Variants in DNAH1 observed in about 807,000 individuals in gnomAD.
DNAH1 encodes the protein dynein axonemal heavy chain 1, also known as axonemal beta dynein heavy chain 1.
A neutral mutation model predicts 484.3 loss-of-function variants in DNAH1; 327 were observed. That is an observed-to-expected ratio of 0.68 (90% CI 0.62 to 0.74). The LOEUF is 0.74. Ranked by LOEUF, DNAH1 falls within the 30% of genes least tolerant of loss-of-function variation. The pLI, the probability that DNAH1 is intolerant of heterozygous loss-of-function variation, is 0.00. For synonymous variants in DNAH1, 2,192 were observed against 2,191.9 expected, an observed-to-expected ratio of 1.00 and a Z score of 0.00; for missense variants, 5,052 against 5,546.8, an observed-to-expected ratio of 0.91 and a Z score of 2.83.
At chr3:52,374,583 G>T in intron 44 of DNAH1, 1 of 1,504,018 alleles carries the variant, frequency 6.6e-7, no homozygotes, top group Non-Finnish European at 9.3e-7. Flanking sequence ...ACACTTCCAG[G>T]TGGCAGAGCG....
At chr3:52,366,694 C>A (rs747457351) in intron 35 of DNAH1, 39 bp from the exon 36 acceptor site, 2 of 1,590,138 alleles carry the variant, frequency 1.3e-6, no homozygotes, top group Middle Eastern at 1.7e-4. Context: ...TCTAGCCCTG[C>A]TCTCTGGGAG....
At chr3:52,386,945 A>G (rs1704138111) in intron 56 of DNAH1, 92 bp downstream of exon 56, 1 of 1,308,074 alleles carries the variant, frequency 7.6e-7, no homozygotes, top group Non-Finnish European at 1.0e-6. Flanking sequence ...GCCCCACCAC[A>G]TCATCTGCAT....
rs372595174 is a variant in DNAH1 at position 52,370,629 on chromosome 3, C to T, written c.6411C>T (p.Asn2137=). The change falls in exon 40 of 78, where the codon AAC becomes AAT. Residue 2137 remains asparagine (N), a synonymous_variant. Transcript: ENST00000420323. ...FSHWLRLKME[N]EQLTLLFPEE... ...ACTGGCTAAGGCTCAAGATGGAGAA[C>T]GAACAGGTGAGAGCCGGCGGCCCCC... The T allele has an allele frequency of 7.0e-4, 1,133 of 1,610,800 alleles. 7 individuals are homozygous for T. In the South Asian group the frequency reaches 7.9e-3, roughly 11 times the overall value.
chr3:52,326,503 C>T (rs1452940344), intron 4 of DNAH1, among the ~76,000 whole-genome samples, 189 bp downstream of exon 4: 1 of 152,146 alleles, frequency 6.6e-6, no homozygotes, highest in Non-Finnish European at 1.5e-5. Flanking sequence ...GGGAAGGTGG[C>T]ATTGAGGTCA....
Position 52,381,189 on chromosome 3 carries a change from C to G in DNAH1, c.7609-451C>G, listed in dbSNP as rs545301189. ...GAACTTGGCTTACTGCAGCCTCTAC[C>G]TCATGGGCTCTATCAGTCGTCCCAC... is the stretch of plus-strand genomic sequence containing the variant. On this transcript the variant is annotated intron_variant, in intron 48 of 77. Transcript: ENST00000420323. The surrounding 1 kb of genome is among the most constrained non-coding windows in gnomAD (Gnocchi z 4.1). Among the ~76,000 whole-genome samples the G allele has an allele frequency of 1.1e-3, 170 of 152,306 alleles. No homozygotes were observed. Among genetic ancestry groups the G allele is most frequent in the Non-Finnish European group, 2.8e-4 (19 of 68,032 alleles).
chr3:52,398,107 T>C lies in DNAH1; in HGVS notation c.12034T>C (p.Tyr4012His). ...PINLQWVMAK[Y>H]PVLYEESMNT... The stretch of plus-strand genomic sequence containing the variant: ...CAACTTGCAATGGGTGATGGCCAAG[T>C]ACCCAGTGCTGTATGAGGAATCAAT... The change falls in exon 75 of 78, where the codon TAC (tyrosine) becomes CAC (histidine). Residue 4012 changes from tyrosine to histidine, a missense_variant. Around this residue, in one of 4 missense-constraint regions of DNAH1, gnomAD observed 853 missense variants for 899.0 expected, o/e 0.95. Transcript: ENST00000420323. The C allele has an allele frequency of 6.2e-7, 1 of 1,613,868 alleles. No homozygotes were observed. Among genetic ancestry groups the C allele is most frequent in the Non-Finnish European group, 8.5e-7 (1 of 1,179,874 alleles).
chr3:52,361,455 G>A lies in DNAH1; in HGVS notation c.4874+103G>A. The A allele has an allele frequency of 7.2e-7, 1 of 1,388,322 alleles. No individual in the cohort carries two copies. Among genetic ancestry groups the A allele is most frequent in the Non-Finnish European group, 9.7e-7 (1 of 1,033,100 alleles). The allele number at this position is 1,388,322 out of a possible 1,614,324, so 86.0% of individuals were successfully genotyped here. A position where few individuals can be genotyped will look rare whatever the true frequency, so the allele number is the denominator to read the frequency against. On this transcript the variant is annotated intron_variant, in intron 29 of 77. Transcript: ENST00000420323. The surrounding 1 kb of genome is among the most constrained non-coding windows in gnomAD (Gnocchi z 5.6). ...TGCCTGAGAGGGGCCTCGAAGGATG[G>A]TGGAGGGGACAGAAGGGGGTAATAG...
Position 52,361,370 on chromosome 3 carries a change from C to A in DNAH1, c.4874+18C>A. On this transcript the variant is annotated intron_variant, in intron 29 of 77. Transcript: ENST00000420323. The surrounding 1 kb of genome is among the most constrained non-coding windows in gnomAD (Gnocchi z 5.6). Reference sequence around the variant, plus strand: ...CTGGCCAGGTGAGGCTGGGCATGAGCGTGGCACAGGATGGGGTGGGACAGC... The same window carrying A: ...CTGGCCAGGTGAGGCTGGGCATGAGAGTGGCACAGGATGGGGTGGGACAGC... The A allele has an allele frequency of 6.4e-7, 1 of 1,550,628 alleles. No individual in the cohort carries two copies. The highest frequency in any genetic ancestry group is 1.2e-5 in the South Asian group (1 of 82,694).
rs969532663 is a variant in DNAH1 at position 52,399,519 on chromosome 3, T to C, written c.12442-26T>C. On this transcript the variant is annotated intron_variant, in intron 76 of 77. Transcript: ENST00000420323. ...CAGATTCTGGGTATTGTTATGTGTG[T>C]GGGGTGTGTCTGTGTCTACCCACAG... The C allele has an allele frequency of 1.9e-6, 3 of 1,573,238 alleles. No individual in the cohort carries two copies. The Admixed American group carries it at 5.3e-5, about 28-fold the overall frequency.
At chr3:52,324,289 G>A (rs1426676204) in intron 3 of DNAH1, among the ~76,000 whole-genome samples, 1 of 152,174 alleles carries the variant, frequency 6.6e-6, no homozygotes, top group African/African-American at 2.4e-5. Flanking sequence ...TAGATGCCTG[G>A]GAGATCCCTG....
chr3:52,359,622 C>T (rs1702771134), intron 26 of DNAH1, among the ~76,000 whole-genome samples: 1 of 152,220 alleles, frequency 6.6e-6, no homozygotes, highest in Non-Finnish European at 1.5e-5. Context: ...CTGGTCCCTC[C>T]TGCACAGTAC....
Position 52,316,348 on chromosome 3 carries a change from T to C in DNAH1, c.-232T>C, listed in dbSNP as rs189384919. On this transcript the variant is annotated 5_prime_UTR_variant, in exon 1 of 78. Coordinates refer to ENST00000420323, the MANE Select transcript of DNAH1 (RefSeq NM_015512.5). ...GGTACCCAACCTATACGCAGACCCA[T>C]TGAGCAGCCAGACTGCCCTAAACAG... 6.6e-6 allele frequency: 1 copy of C among 152,386 alleles called. No homozygotes were observed. Among genetic ancestry groups the C allele is most frequent in the Admixed American group, 6.5e-5 (1 of 15,302 alleles). 9.4% of individuals were successfully genotyped at this position (152,386 alleles called of 1,614,324 possible).
intron 6 of DNAH1, among the ~76,000 whole-genome samples, 180 bp from the exon 7 acceptor site, chr3:52,330,968 C>T (rs1043143014): frequency 2.6e-5 from 4 of 152,192 alleles, no homozygotes; most frequent in South Asian, 2.1e-4. Context: ...TCCTCAGAGG[C>T]GAGCTCGGCT....
intron 52 of DNAH1, 31 bp downstream of exon 52, chr3:52,384,062 G>A: frequency 6.5e-7 from 1 of 1,550,016 alleles, no homozygotes; most frequent in Non-Finnish European, 8.7e-7. Flanking sequence ...CAGGCCCTTG[G>A]GGAGACCTGT....
chr3:52,396,680 C>T lies in DNAH1; in HGVS notation c.11493C>T (p.Arg3831=), dbSNP rs781581930. 20 of 1,613,632 alleles carry T rather than the reference C, an allele frequency of 1.2e-5. No individual in the cohort carries two copies. Among genetic ancestry groups the T allele is most frequent in the Admixed American group, 1.2e-4 (7 of 59,980 alleles). The change falls in exon 72 of 78, where the codon CGC becomes CGT. Residue 3831 remains arginine (R), a synonymous_variant. Transcript: ENST00000420323. The part of the protein sequence containing the change: ...LCLFHGNALE[R]RKFGPLGFNI... The stretch of plus-strand genomic sequence containing the variant: ...TGTTCCATGGGAACGCCCTGGAGCG[C>T]CGTAAGTTTGGGCCCCTGGGCTTCA...
At chr3:52,330,115 T>C (rs999637690) in intron 6 of DNAH1, among the ~76,000 whole-genome samples, 1 of 152,172 alleles carries the variant, frequency 6.6e-6, no homozygotes, top group Non-Finnish European at 1.5e-5. Flanking sequence ...TGGCCTCAGT[T>C]TGTTTTTAAG....
Position 52,326,205 on chromosome 3 carries a change from A to T in DNAH1, c.472A>T (p.Thr158Ser). The stretch of plus-strand genomic sequence containing the variant: ...GGAGCAGCAGTGCATCGGGTCCACC[A>T]CCCGGCTGCTCGCCCAGACTGACTT... ...RMEQQCIGST[T>S]RLLAQTDFPL... The change falls in exon 4 of 78, where the codon ACC becomes TCC. Residue 158 changes from threonine (T) to serine (S), a missense_variant. By Grantham distance (58) the Thr-to-Ser change is moderately conservative. Coordinates refer to ENST00000420323, the MANE Select transcript of DNAH1 (RefSeq NM_015512.5). The T allele has an allele frequency of 1.2e-6, 2 of 1,612,954 alleles. No homozygotes were observed. Among genetic ancestry groups the T allele is most frequent in the Non-Finnish European group, 1.7e-6 (2 of 1,179,540 alleles).
At chr3:52,331,619 CTTTTTTT>C (rs36097098) in intron 7 of DNAH1, among the ~76,000 whole-genome samples, 20 of 111,372 alleles carry the variant, frequency 1.8e-4, no homozygotes, top group African/African-American at 4.1e-4. Context: ...AAATACTTTT[CTTTTTTT>C]TTTTTTTTTT....
rs1388879244 is a variant in DNAH1, at chr3:52,381,608, C to A, written c.7609-32C>A. Reference sequence around the variant, plus strand: ...GGGGAGACCCTACAGTAAGAGAGACCCCGCCTTCCCCATCCTCGCCTTGGT... The same window carrying A: ...GGGGAGACCCTACAGTAAGAGAGACACCGCCTTCCCCATCCTCGCCTTGGT... On this transcript the variant is annotated intron_variant, in intron 48 of 77. Coordinates refer to ENST00000420323, the MANE Select transcript of DNAH1 (RefSeq NM_015512.5). This position sits in a 1 kb window ranked among gnomAD's most constrained non-coding sequence, Gnocchi z 4.1. 6.4e-7 allele frequency: 1 copy of A among 1,561,124 alleles called. No homozygotes were observed. The highest frequency in any genetic ancestry group is 8.7e-7 in the Non-Finnish European group (1 of 1,150,198).
Sources: allele counts gnomAD v4.1 joint callset (sites outside exome capture counted in the v4.1 genomes callset), GRCh38; gene constraint gnomAD v4.1.1; regional missense constraint gnomAD v4.1.1; non-coding constraint Gnocchi (gnomAD v3.1); transcripts MANE v1.5; gene names NCBI Gene and HGNC (gene_info 2026-07-23, HGNC 2026-07-21).